The following FAM227B variants were observed in gnomAD, a reference collection of about 807,000 sequenced individuals.
FAM227B encodes family with sequence similarity 227 member B.
FAM227B carries 88 observed loss-of-function variants against 73.8 expected under a neutral mutation model. The ratio of observed to expected loss-of-function variants is 1.19; its 90% confidence interval spans 1.00 to 1.42. FAM227B has a LOEUF of 1.42. FAM227B is among the 40% of genes most tolerant of loss of function. The probability of loss-of-function intolerance (pLI) is 0.00; values close to 1 mark genes in which losing one functional copy is unlikely to be tolerated. For synonymous variants in FAM227B, 210 were observed against 190.5 expected (o/e 1.10, Z -0.84); for missense variants, 632 against 590.9 (o/e 1.07, Z -0.72).
At chr15:49,355,205 A>G (rs145089717) in intron 13 of FAM227B, among the ~76,000 whole-genome samples, 62,851 of 151,924 alleles carry the variant, frequency 0.41, 13,136 homozygotes, top group African/African-American at 0.43. Context: ...AAAGGAACGC[A>G]GTTCCTCACC....
intron 10 of FAM227B, among the ~76,000 whole-genome samples, chr15:49,528,118 G>C (rs1456653434): frequency 6.6e-6 from 1 of 151,772 alleles, no homozygotes; most frequent in African/African-American, 2.4e-5. Flanking sequence ...CAAAGCTATA[G>C]TAACCCAAAT....
intron 11 of FAM227B, among the ~76,000 whole-genome samples, chr15:49,436,770 T>C (rs2051143977): frequency 6.6e-6 from 1 of 151,594 alleles, no homozygotes; most frequent in African/African-American, 2.4e-5. Context: ...ACAGCTTTAG[T>C]ATCATCACAT....
At chr15:49,551,716 G>A (rs905624098) in intron 9 of FAM227B, among the ~76,000 whole-genome samples, 2 of 152,094 alleles carry the variant, frequency 1.3e-5, no homozygotes, top group Admixed American at 1.3e-4. Flanking sequence ...TTTCTCTGGT[G>A]ACATGCTTTA....
chr15:49,377,137 G>A (rs2046219445), intron 11 of FAM227B, among the ~76,000 whole-genome samples: 1 of 152,000 alleles, frequency 6.6e-6, no homozygotes, highest in African/African-American at 2.4e-5. Flanking sequence ...TGCAATGTTT[G>A]TCTTTCTGTG....
chr15:49,524,078 A>C (rs964232137), intron 10 of FAM227B, among the ~76,000 whole-genome samples: 1 of 152,214 alleles, frequency 6.6e-6, no homozygotes, highest in African/African-American at 2.4e-5. Flanking sequence ...TTTTCTGAGG[A>C]GAAATTCAAG....
Position 49,606,417 on chromosome 15 carries a change from T to C in FAM227B, c.105+4798A>G, listed in dbSNP as rs149246186. ...AAAACCTAGCTACCATTATCTTTAA[T>C]ATATTTACTTATTTGATCAATCCTT... On this transcript the variant is annotated intron_variant, in intron 3 of 15. Transcript: ENST00000299338. Among the ~76,000 whole-genome samples, 6 of 152,328 alleles carry C rather than the reference T, an allele frequency of 3.9e-5. No homozygotes were observed. The South Asian group carries it at 8.3e-4, about 21-fold the overall frequency.
chr15:49,491,712 C>T (rs1253429800), intron 11 of FAM227B, among the ~76,000 whole-genome samples: 2 of 136,056 alleles, frequency 1.5e-5, no homozygotes, highest in Non-Finnish European at 3.1e-5. Flanking sequence ...CACACACACA[C>T]ACACATATGC....
chr15:49,374,511 G>C (rs1007295921), intron 11 of FAM227B, among the ~76,000 whole-genome samples: 3 of 152,202 alleles, frequency 2.0e-5, no homozygotes, highest in African/African-American at 7.2e-5. Context: ...ATGCAATTTT[G>C]TCCAATAATA....
At chr15:49,380,852 G>A (rs181629386) in intron 11 of FAM227B, among the ~76,000 whole-genome samples, 6 of 152,256 alleles carry the variant, frequency 3.9e-5, no homozygotes, top group Admixed American at 2.6e-4. Flanking sequence ...GAAGCCCCTT[G>A]TGTTAGTCCA....
At chr15:49,541,839 A>G in intron 9 of FAM227B, 33 bp from the exon 10 acceptor site, 1 of 1,300,172 alleles carries the variant, frequency 7.7e-7, no homozygotes, top group Non-Finnish European at 1.0e-6. Flanking sequence ...GATTAATTTT[A>G]TATTTTTAAA....
At chr15:49,580,785 A>C (rs1392389968) in intron 5 of FAM227B, among the ~76,000 whole-genome samples, 1 of 152,244 alleles carries the variant, frequency 6.6e-6, no homozygotes, top group Non-Finnish European at 1.5e-5. Context: ...ATTTTAAGAA[A>C]GAACCAAACT....
intron 13 of FAM227B, among the ~76,000 whole-genome samples, chr15:49,354,350 A>T (rs1292159890): frequency 2.0e-5 from 3 of 152,152 alleles, no homozygotes; most frequent in African/African-American, 7.2e-5. Flanking sequence ...TCATCTCACT[A>T]GGGAGTGCCA....
At chr15:49,329,445 T>C (rs1248994044) in intron 15 of FAM227B, 6 of 984,626 alleles carry the variant, frequency 6.1e-6, no homozygotes, top group Non-Finnish European at 6.0e-6. Flanking sequence ...TATTCTGTGA[T>C]TTCATTAGCT....
At chr15:49,483,222 G>T (rs781708003) in intron 11 of FAM227B, 1 of 1,587,090 alleles carries the variant, frequency 6.3e-7, no homozygotes, top group Non-Finnish European at 8.5e-7. Context: ...ATTCTATCTT[G>T]CAATGAACAA....
chr15:49,358,533 A>T (rs2151378985), intron 13 of FAM227B, among the ~76,000 whole-genome samples: 1 of 149,636 alleles, frequency 6.7e-6, no homozygotes, highest in East Asian at 2.0e-4. Context: ...CTTACAAGGG[A>T]TATGAAGGAC....
chr15:49,482,045 A>G (rs927142182), intron 11 of FAM227B, among the ~76,000 whole-genome samples: 22 of 152,152 alleles, frequency 1.4e-4, no homozygotes, highest in African/African-American at 4.8e-4. Flanking sequence ...CTTTAAGTCA[A>G]TATTTTAGAA....
chr15:49,557,848 C>A (rs1227968608), intron 9 of FAM227B, among the ~76,000 whole-genome samples: 2 of 152,214 alleles, frequency 1.3e-5, no homozygotes, highest in Admixed American at 6.5e-5. Flanking sequence ...TGGGGCCCTA[C>A]AGGCCTTGAA....
Position 49,577,644 on chromosome 15 carries a change from T to A in FAM227B, c.426A>T (p.Thr142=), listed in dbSNP as rs762537152. 6.4e-7 allele frequency: 1 copy of A among 1,567,424 alleles called. No individual in the cohort carries two copies. Among genetic ancestry groups the A allele is most frequent in the Non-Finnish European group, 8.7e-7 (1 of 1,148,640 alleles). The change falls in exon 6 of 16, where the codon ACA becomes ACT. Residue 142 remains threonine (T), a synonymous_variant. Transcript: ENST00000299338. ...KKIMLSDEME[T]EKNIEGCSFT... is the part of the protein sequence containing the mutation. ...TTTTAAGTACCTCTATATTCTTCTC[T>A]GTCTCCATTTCATCTGAAAGCTGGA... is the stretch of plus-strand genomic sequence containing the variant.
chr15:49,364,413 G>T (rs1008888101), intron 13 of FAM227B, among the ~76,000 whole-genome samples: 1 of 152,086 alleles, frequency 6.6e-6, no homozygotes, highest in Non-Finnish European at 1.5e-5. Flanking sequence ...GATGTTCATA[G>T]TAGTCTTGGA....
Sources: gnomAD v4.1 joint callset for allele counts (sites outside exome capture counted in the v4.1 genomes callset) on GRCh38, gnomAD v4.1.1 for gene constraint, MANE v1.5 for transcripts, NCBI Gene and HGNC (gene_info 2026-07-23, HGNC 2026-07-21) for gene names.